PDE1C: variants seen among roughly 807,000 people sequenced by gnomAD.
PDE1C encodes the protein phosphodiesterase 1C, also known as dual specificity calcium/calmodulin-dependent 3',5'-cyclic nucleotide phosphodiesterase 1C.
A neutral mutation model predicts 93.1 loss-of-function variants in PDE1C; 62 were observed. The observed-to-expected ratio is 0.67, with a 90% CI of 0.54 to 0.82. The LOEUF (loss-of-function observed/expected upper bound fraction) is 0.82. Ranked by LOEUF, PDE1C falls within the 40% of genes least tolerant of loss-of-function variation. The pLI is 0.00. For missense variants in PDE1C, 742 were observed against 884.6 expected, an observed-to-expected ratio of 0.84 and a Z score of 2.04; for synonymous variants, 325 against 310.1, an observed-to-expected ratio of 1.05 and a Z score of -0.50.
intron 1 of PDE1C, among the ~76,000 whole-genome samples, chr7:32,417,382 TAA>T (rs1189314629): frequency 6.6e-6 from 1 of 151,792 alleles, no homozygotes; most frequent in Non-Finnish European, 1.5e-5. Flanking sequence ...TGTCTAATAA[TAA>T]AAACACCTGT....
chr7:31,682,935 G>A, the PDE1C span, among the ~76,000 whole-genome samples: 1 of 152,104 alleles, frequency 6.6e-6, no homozygotes, highest in African/African-American at 2.4e-5. Context: ...ATAATAAAAT[G>A]ATAGAGAGAG....
At chr7:32,157,268 A>G (rs930693960) in intron 3 of PDE1C, among the ~76,000 whole-genome samples, 2 of 152,240 alleles carry the variant, frequency 1.3e-5, no homozygotes, top group Non-Finnish European at 1.5e-5. Flanking sequence ...CTAGTATTCG[A>G]TAGTACAATA....
the PDE1C span, among the ~76,000 whole-genome samples, chr7:31,680,831 C>G: frequency 6.6e-6 from 1 of 152,134 alleles, no homozygotes; most frequent in Non-Finnish European, 1.5e-5. Flanking sequence ...GCTGCAAAAA[C>G]TGAGTGAAAG....
chr7:32,211,919 G>A (rs1398150699), intron 1 of PDE1C, among the ~76,000 whole-genome samples: 3 of 151,162 alleles, frequency 2.0e-5, no homozygotes, highest in Admixed American at 6.6e-5. Flanking sequence ...CCAGCTACTC[G>A]GGAAGCTGCA....
chr7:32,401,112 G>T (rs61300681), intron 1 of PDE1C, among the ~76,000 whole-genome samples: 5,869 of 152,300 alleles, frequency 0.039, 272 homozygotes, highest in African/African-American at 0.12. Flanking sequence ...TGTTTTGATT[G>T]TACAACTGAA....
rs187805669 is a variant in PDE1C at position 31,837,050 on chromosome 7, T to C, written c.1203+130A>G. On this transcript the variant is annotated intron_variant, in intron 11 of 17. Coordinates refer to ENST00000396191, the MANE Select transcript of PDE1C (RefSeq NM_001191057.4). ...ATCACATGACCAAGAGGCAAAATAATCTGTGGAGCCCCCCTCCCCTCTCCA... is the reference window on the plus strand; with the variant it reads ...ATCACATGACCAAGAGGCAAAATAACCTGTGGAGCCCCCCTCCCCTCTCCA... The C allele has an allele frequency of 8.0e-4, 615 of 768,668 alleles. 1 individual carries two copies. Among genetic ancestry groups the C allele is most frequent in the Non-Finnish European group, 1.1e-3 (565 of 507,326 alleles). The allele number at this position is 768,668 out of a possible 1,614,324, so 47.6% of individuals were successfully genotyped here.
the PDE1C span, among the ~76,000 whole-genome samples, chr7:31,680,862 G>A: frequency 6.6e-6 from 1 of 152,180 alleles, no homozygotes; most frequent in African/African-American, 2.4e-5. Flanking sequence ...TGGGACAAAG[G>A]ATAGGGTAAG....
chr7:31,886,514 G>T (rs1797894538), intron 2 of PDE1C, among the ~76,000 whole-genome samples: 1 of 152,212 alleles, frequency 6.6e-6, no homozygotes, highest in African/African-American at 2.4e-5. Flanking sequence ...GTGGGGAAAT[G>T]CAGTGCCTTC....
chr7:31,749,564 G>A (rs547806582), downstream of PDE1C, among the ~76,000 whole-genome samples: 21 of 152,170 alleles, frequency 1.4e-4, no homozygotes, highest in African/African-American at 4.6e-4. Flanking sequence ...TGTAGGGGGT[G>A]AGAAGTGGAC....
At chr7:32,192,042 T>C (rs1804272816) in intron 2 of PDE1C, among the ~76,000 whole-genome samples, 1 of 152,220 alleles carries the variant, frequency 6.6e-6, no homozygotes, top group African/African-American at 2.4e-5. Flanking sequence ...TCATGTTCTT[T>C]GACCATATTC....
the PDE1C span, among the ~76,000 whole-genome samples, chr7:31,632,742 C>T: frequency 6.6e-6 from 1 of 152,144 alleles, no homozygotes. Context: ...ACTACTGAAG[C>T]CCAGCTGGGT....
intron 3 of PDE1C, among the ~76,000 whole-genome samples, chr7:32,097,529 A>G (rs537517539): frequency 6.6e-6 from 1 of 152,350 alleles, no homozygotes; most frequent in East Asian, 1.9e-4. Context: ...CTCAAAGGTC[A>G]GTAGATCACG....
intron 2 of PDE1C, among the ~76,000 whole-genome samples, chr7:31,882,825 C>T (rs1797414702): frequency 6.6e-6 from 1 of 152,110 alleles, no homozygotes; most frequent in African/African-American, 2.4e-5. Flanking sequence ...CCAGAAGATC[C>T]TATCTACCTA....
intron 1 of PDE1C, among the ~76,000 whole-genome samples, chr7:32,259,245 T>C (rs1204369636): frequency 2.6e-5 from 4 of 152,052 alleles, no homozygotes; most frequent in Non-Finnish European, 4.4e-5. Context: ...AGAGCCAAGG[T>C]TGGGGAGGGG....
exon 1 of PDE1C, chr7:32,299,039 T>G: frequency 8.4e-7 from 1 of 1,185,492 alleles, no homozygotes; most frequent in Non-Finnish European, 1.0e-6. Flanking sequence ...CCCGAGCGCG[T>G]GGACGGGGCT....
At chr7:32,131,544 C>A (rs1482154182) in intron 3 of PDE1C, among the ~76,000 whole-genome samples, 1 of 152,084 alleles carries the variant, frequency 6.6e-6, no homozygotes, top group Admixed American at 6.6e-5. Context: ...CTGATGAAAC[C>A]ATCTCATTAG....
chr7:32,031,919 G>T (rs73098616), intron 2 of PDE1C, among the ~76,000 whole-genome samples: 3,541 of 152,130 alleles, frequency 0.023, 63 homozygotes, highest in Middle Eastern at 0.034. Flanking sequence ...GTACTGCTTG[G>T]GGGAGAAATT....
At position 31,790,284 on chromosome 7, in the gene PDE1C, A is replaced by G. The variant is rs1484482271; in HGVS notation, c.1892-14552T>C. 13 of 1,603,992 alleles carry G rather than the reference A, an allele frequency of 8.1e-6. No homozygotes were observed. In the Admixed American group the frequency reaches 2.0e-4, roughly 25 times the overall value. On this transcript the variant is annotated intron_variant, in intron 16 of 17. Transcript: ENST00000396191. Reference sequence around the variant, plus strand: ...TCTGAAAAAAAGAAAAAGAAAAAGAAAAGTGTCAATGCTGCCTTTCCCCCC... The same window carrying G: ...TCTGAAAAAAAGAAAAAGAAAAAGAGAAGTGTCAATGCTGCCTTTCCCCCC...
chr7:32,308,154 C>T (rs886772325), intron 1 of PDE1C, among the ~76,000 whole-genome samples: 3 of 152,236 alleles, frequency 2.0e-5, no homozygotes, highest in African/African-American at 7.2e-5. Flanking sequence ...AGTCTGAGAT[C>T]AAACTGCAAG....
Sources: gnomAD v4.1 joint callset for allele counts (sites outside exome capture counted in the v4.1 genomes callset) on GRCh38, gnomAD v4.1.1 for gene constraint, MANE v1.5 for transcripts, NCBI Gene and HGNC (gene_info 2026-07-23, HGNC 2026-07-21) for gene names.